Variants in AATF observed in about 807,000 individuals in gnomAD.
The protein encoded by AATF is protein AATF.
Under a neutral mutation model 63.7 loss-of-function variants are expected in AATF, and 48 were observed. That is an observed-to-expected ratio of 0.75 (90% confidence interval 0.60 to 0.96). AATF has a LOEUF of 0.96. AATF is among the 40% of genes least tolerant of loss of function. AATF has a pLI of 0.00. For missense variants in AATF, 639 were observed against 685.7 expected, an observed-to-expected ratio of 0.93 and a Z score of 0.76; for synonymous variants, 258 against 247.7, an observed-to-expected ratio of 1.04 and a Z score of -0.39.
chr17:36,984,777 AG>A lies in AATF; in HGVS notation c.833-1839del, dbSNP rs2071154029. Among the ~76,000 whole-genome samples the A allele has an allele frequency of 3.3e-5, 5 of 152,094 alleles. No individual in the cohort carries two copies. The South Asian group carries it at 1.0e-3, about 32-fold the overall frequency. On this transcript the variant is annotated intron_variant, in intron 4 of 11. Coordinates refer to ENST00000619387, the MANE Select transcript of AATF (RefSeq NM_012138.4). The stretch of plus-strand genomic sequence containing the variant: ...CAGCCTCCCAAGTAGTTGGGACTAT[AG>A]TGCGCACCATCAAAACCGGCTAGTT...
intron 11 of AATF, among the ~76,000 whole-genome samples, chr17:37,032,037 G>C (rs1342533800): frequency 6.6e-6 from 1 of 152,170 alleles, no homozygotes; most frequent in Non-Finnish European, 1.5e-5. Context: ...TGGCTCTAGT[G>C]AGTGCTCTGG....
rs1449735524 is a variant in AATF, at chr17:36,953,820, T to C, written c.745T>C (p.Leu249=). Reference sequence around the variant, plus strand: ...AAGGATCAAACTACAAAAAGCTCTGTTGACCACCAACCAGCTTCCTCAACC... The same window carrying C: ...AAGGATCAAACTACAAAAAGCTCTGCTGACCACCAACCAGCTTCCTCAACC... ...EGRIKLQKAL[L]TTNQLPQPDV... Residue 249 remains leucine, a synonymous_variant, in exon 4 of 12, where the codon TTG becomes CTG. Coordinates refer to ENST00000619387, the MANE Select transcript of AATF (RefSeq NM_012138.4). 23 of 1,614,076 alleles carry C rather than the reference T, an allele frequency of 1.4e-5. No individual in the cohort carries two copies. Among genetic ancestry groups the C allele is most frequent in the Non-Finnish European group, 1.7e-5 (20 of 1,180,040 alleles).
intron 4 of AATF, among the ~76,000 whole-genome samples, chr17:36,969,581 A>C (rs919406870): frequency 2.6e-5 from 4 of 152,152 alleles, no homozygotes; most frequent in Admixed American, 2.6e-4. Context: ...CTGATTCTTC[A>C]TTGCTAGCAC....
At chr17:37,009,456 G>GT (rs909435520) in intron 8 of AATF, among the ~76,000 whole-genome samples, 47 of 151,424 alleles carry the variant, frequency 3.1e-4, no homozygotes, top group South Asian at 2.1e-3. Flanking sequence ...CAGTTAAATG[G>GT]TTTTTTTTAT....
chr17:37,029,802 G>C (rs1216061620), intron 10 of AATF, among the ~76,000 whole-genome samples: 1 of 151,768 alleles, frequency 6.6e-6, no homozygotes, highest in East Asian at 1.9e-4. Context: ...CTGACCTCAG[G>C]TGATCTGCCC....
At chr17:36,967,394 A>C in intron 4 of AATF, among the ~76,000 whole-genome samples, 1 of 151,960 alleles carries the variant, frequency 6.6e-6, no homozygotes, top group Admixed American at 6.6e-5. Flanking sequence ...TTTTTGTTTG[A>C]GTTTTCTGTG....
At chr17:36,956,356 T>TTAAA in intron 4 of AATF, among the ~76,000 whole-genome samples, 1 of 152,366 alleles carries the variant, frequency 6.6e-6, no homozygotes. Flanking sequence ...TATACTCCCC[T>TTAAA]GTCTTGATAA....
intron 4 of AATF, among the ~76,000 whole-genome samples, chr17:36,977,097 T>C (rs2071085387): frequency 6.6e-6 from 1 of 152,206 alleles, no homozygotes; most frequent in Non-Finnish European, 1.5e-5. Context: ...AAGTATGTAG[T>C]CTACATTTTG....
At chr17:37,018,018 T>A (rs1371608230) in intron 8 of AATF, among the ~76,000 whole-genome samples, 1 of 152,242 alleles carries the variant, frequency 6.6e-6, no homozygotes, top group Non-Finnish European at 1.5e-5. Flanking sequence ...AAACCTGGAT[T>A]ATTGACAGAT....
chr17:36,964,018 A>T (rs780243177), intron 4 of AATF, among the ~76,000 whole-genome samples: 1 of 151,930 alleles, frequency 6.6e-6, no homozygotes, highest in Non-Finnish European at 1.5e-5. Context: ...CTCAATTTTT[A>T]AAAATTAATT....
chr17:36,965,801 A>G (rs941499037), intron 4 of AATF, among the ~76,000 whole-genome samples: 2 of 152,090 alleles, frequency 1.3e-5, no homozygotes, highest in African/African-American at 4.8e-5. Flanking sequence ...TCCTGGGCTC[A>G]AGTGACCCTT....
chr17:37,012,927 A>G (rs1422862921), intron 8 of AATF, among the ~76,000 whole-genome samples: 1 of 152,220 alleles, frequency 6.6e-6, no homozygotes, highest in Admixed American at 6.5e-5. Flanking sequence ...GTAGAGCTTC[A>G]TGACCTTGGG....
chr17:36,990,924 C>A, intron 8 of AATF, 67 bp downstream of exon 8: 1 of 1,212,800 alleles, frequency 8.2e-7, no homozygotes, highest in Non-Finnish European at 1.1e-6. Context: ...ATAGAATTCT[C>A]TGAACAAAGA....
Position 37,021,014 on chromosome 17 carries a change from G to C in AATF, c.1547G>C (p.Arg516Pro). 1.2e-6 allele frequency: 2 copies of C among 1,608,684 alleles called. No homozygotes were observed. The highest frequency in any genetic ancestry group is 1.7e-6 in the Non-Finnish European group (2 of 1,177,332). The change falls in exon 10 of 12, where the codon CGG becomes CCG. Residue 516 changes from arginine (R) to proline (P), a missense_variant and splice_region_variant. Physicochemically the swap from Arg to Pro is moderately radical, Grantham distance 103 (BLOSUM62 -2). Coordinates refer to ENST00000619387, the MANE Select transcript of AATF (RefSeq NM_012138.4). Reference protein sequence around the residue: ...DRKASKGRKLRFHVLSKLLSF... With the variant: ...DRKASKGRKLPFHVLSKLLSF... ...AAAGCCAGCAAAGGCAGGAAACTTC[G>C]GTGAGTTACTTTTCGGAAAAAATGT...
At chr17:37,008,128 T>C (rs772935626) in intron 8 of AATF, among the ~76,000 whole-genome samples, 28 of 152,210 alleles carry the variant, frequency 1.8e-4, no homozygotes, top group Non-Finnish European at 3.1e-4. Context: ...TTAGCAGCTG[T>C]GGCGATTTAG....
chr17:37,024,927 C>T (rs943758923), intron 10 of AATF, among the ~76,000 whole-genome samples: 1 of 152,018 alleles, frequency 6.6e-6, no homozygotes, highest in Non-Finnish European at 1.5e-5. Context: ...CCACTGCACT[C>T]CAGCCTGAGT....
chr17:36,965,614 G>A (rs1476273579), intron 4 of AATF, among the ~76,000 whole-genome samples: 2 of 152,210 alleles, frequency 1.3e-5, no homozygotes, highest in Non-Finnish European at 1.5e-5. Flanking sequence ...GTGTTTTCCA[G>A]TGACAAGGTA....
chr17:37,022,005 A>G (rs2142290272), intron 10 of AATF, among the ~76,000 whole-genome samples: 1 of 152,282 alleles, frequency 6.6e-6, no homozygotes, highest in South Asian at 2.1e-4. Flanking sequence ...TTCTGACTTT[A>G]GGAAAATCCT....
intron 9 of AATF, 112 bp from the exon 10 acceptor site, chr17:37,020,822 G>A (rs2301685): frequency 0.16 from 135,502 of 825,628 alleles, 11,525 homozygotes; most frequent in Non-Finnish European, 0.18. Flanking sequence ...TGAGGAACTT[G>A]ATGTAGGTTG....
Sources: allele counts gnomAD v4.1 joint callset (sites outside exome capture counted in the v4.1 genomes callset), GRCh38; gene constraint gnomAD v4.1.1; transcripts MANE v1.5; gene names NCBI Gene and HGNC (gene_info 2026-07-23, HGNC 2026-07-21).